Variants in HPS4 observed in about 807,000 individuals in gnomAD.
The protein encoded by HPS4 is HPS4 biogenesis of lysosomal organelles complex 3 subunit 2.
A neutral mutation model predicts 70.3 loss-of-function variants in HPS4; 44 were observed. The ratio of observed to expected loss-of-function variants is 0.63; its 90% CI spans 0.49 to 0.80. The LOEUF (loss-of-function observed/expected upper bound fraction) is 0.80. Ranked by LOEUF, HPS4 falls within the 30% of genes least tolerant of loss-of-function variation. The pLI is 0.00. For synonymous variants in HPS4, 377 were observed against 355.9 expected, an observed-to-expected ratio of 1.06 and a Z score of -0.67; for missense variants, 873 against 884.4, an observed-to-expected ratio of 0.99 and a Z score of 0.16.
intron 11 of HPS4, among the ~76,000 whole-genome samples, chr22:26,460,326 G>A (rs948992355): frequency 1.3e-5 from 2 of 152,242 alleles, no homozygotes; most frequent in African/African-American, 4.8e-5. Flanking sequence ...ATCACTGAGA[G>A]AGCCTGACCA....
At position 26,472,943 on chromosome 22, in the gene HPS4, T is replaced by C. The variant is rs370667416; in HGVS notation, c.277-4A>G. The C allele has an allele frequency of 1.2e-6, 2 of 1,613,572 alleles. No homozygotes were observed. The highest frequency in any genetic ancestry group is 1.7e-6 in the Non-Finnish European group (2 of 1,179,474). On this transcript the variant is annotated splice_polypyrimidine_tract_variant and splice_region_variant and intron_variant, in intron 4 of 13. Transcript: ENST00000398145. Reference sequence around the variant, plus strand: ...GCTCCACAGCACAGCCCAGCACCTGTAAAGAGAGAAACCAGGAAGACAAGC... The same window carrying C: ...GCTCCACAGCACAGCCCAGCACCTGCAAAGAGAGAAACCAGGAAGACAAGC...
At chr22:26,475,460 C>T (rs2146884221) in intron 4 of HPS4, 1 of 146,886 alleles carries the variant, frequency 6.8e-6, no homozygotes, top group Non-Finnish European at 1.5e-5. Context: ...TCAAGAGAGT[C>T]TCCTGCCTCA....
intron 11 of HPS4, among the ~76,000 whole-genome samples, chr22:26,460,383 G>A (rs757518616): frequency 6.6e-6 from 1 of 152,244 alleles, no homozygotes; most frequent in Non-Finnish European, 1.5e-5. Flanking sequence ...ATGTGTGTGT[G>A]TGCATGTGCC....
rs1360790963 is a variant in HPS4, at chr22:26,472,339, T to C, written c.464A>G (p.Lys155Arg). 3.1e-6 allele frequency: 5 copies of C among 1,613,296 alleles called. No homozygotes were observed. In the South Asian group the frequency reaches 5.5e-5, roughly 18 times the overall value. Residue 155 changes from lysine (K) to arginine (R), a missense_variant, in exon 6 of 14, where the codon AAG (lysine) becomes AGG (arginine). Transcript: ENST00000398145. ...QILKNTSDLH[K>R]IFNSLWNLDQ... ...CAAGTTCCAGAGGGAATTGAAAATC[T>C]TATGCAGATCACTGGTGTTTTTCAG... is the stretch of plus-strand genomic sequence containing the variant.
Position 26,464,232 on chromosome 22 carries a change from G to C in HPS4, c.1398C>G (p.Arg466=). 1 of 1,614,230 alleles carries C rather than the reference G, an allele frequency of 6.2e-7. No homozygotes were observed. The highest frequency in any genetic ancestry group is 8.5e-7 in the Non-Finnish European group (1 of 1,180,052). Reference sequence around the variant, plus strand: ...CTAAGCGAGGCAATAACAAGGGCCTGCGGGTCCTTCTGGGGAGAGGGTCTG... The same window carrying C: ...CTAAGCGAGGCAATAACAAGGGCCTCCGGGTCCTTCTGGGGAGAGGGTCTG... ...PRADPLPRRT[R]RPLLLPRLDP... The change falls in exon 11 of 14, where the codon CGC becomes CGG. Residue 466 remains arginine, a synonymous_variant. Coordinates refer to ENST00000398145, the MANE Select transcript of HPS4 (RefSeq NM_022081.6).
Position 26,458,084 on chromosome 22 carries a change from G to A in HPS4, c.1847-117C>T. The A allele has an allele frequency of 3.3e-6, 3 of 905,854 alleles. No homozygotes were observed. The South Asian group carries it at 4.2e-5, about 13-fold the overall frequency. 56.1% of individuals were successfully genotyped at this position (905,854 alleles called of 1,614,324 possible). ...CACGGCTCAAGGCCATGAGTTGGCT[G>A]CCCGGGGCAGAGACAAAGGCCCGGG... is the stretch of plus-strand genomic sequence containing the variant. On this transcript the variant is annotated intron_variant, in intron 12 of 13. Transcript: ENST00000398145.
chr22:26,452,846 C>T lies in HPS4; in HGVS notation c.*387G>A, dbSNP rs2085434809. 2 of 295,620 alleles carry T rather than the reference C, an allele frequency of 6.8e-6. No homozygotes were observed. Among genetic ancestry groups the T allele is most frequent in the Non-Finnish European group, 1.3e-5 (2 of 152,662 alleles). The allele number at this position is 295,620 out of a possible 1,614,324, so 18.3% of individuals were successfully genotyped here. A position where few individuals can be genotyped will look rare whatever the true frequency, so the allele number is the denominator to read the frequency against. ...ACCTGGTGTGGGGGTTGAACACACA[C>T]ACTCTGGGCTAGTGGACGATCAGGT... On this transcript the variant is annotated 3_prime_UTR_variant, in exon 14 of 14. Coordinates refer to ENST00000398145, the MANE Select transcript of HPS4 (RefSeq NM_022081.6).
In HPS4 at chr22:26,476,857, C is replaced by T. The variant is rs117687050; in HGVS notation, c.276+136G>A. On this transcript the variant is annotated intron_variant, in intron 4 of 13. Coordinates refer to ENST00000398145, the MANE Select transcript of HPS4 (RefSeq NM_022081.6). ...AACCTGCAGAGAGTACCACAGGAAG[C>T]GAGGGTGATTACTAAACACAGTACA... 1,185 of 897,922 alleles carry T rather than the reference C, an allele frequency of 1.3e-3. 2 individuals are homozygous for T. Among genetic ancestry groups the T allele is most frequent in the Admixed American group, 1.8e-3 (96 of 52,488 alleles). 55.6% of individuals were successfully genotyped at this position (897,922 alleles called of 1,614,324 possible).
At chr22:26,458,902 T>C (rs150946651) in intron 11 of HPS4, among the ~76,000 whole-genome samples, 10 of 152,236 alleles carry the variant, frequency 6.6e-5, no homozygotes, top group African/African-American at 2.4e-4. Flanking sequence ...AACATTTTTC[T>C]TTCACCCTTA....
chr22:26,443,232 G>C, downstream of HPS4: 3 of 1,591,586 alleles, frequency 1.9e-6, no homozygotes, highest in South Asian at 1.1e-5. Context: ...TGGAGTCGGC[G>C]AGAAGGGCCG....
At chr22:26,463,484 A>T (rs1275448864) in intron 11 of HPS4, among the ~76,000 whole-genome samples, 1 of 152,168 alleles carries the variant, frequency 6.6e-6, no homozygotes, top group Non-Finnish European at 1.5e-5. Context: ...TGCCTGCATT[A>T]TCTCACTGCA....
chr22:26,477,493 T>C (rs1431121039), intron 3 of HPS4, among the ~76,000 whole-genome samples: 1 of 152,238 alleles, frequency 6.6e-6, no homozygotes, highest in Non-Finnish European at 1.5e-5. Context: ...AGCAGAAGCA[T>C]GAGCCTTTCA....
chr22:26,467,017 C>T (rs1048567035), intron 8 of HPS4: 1 of 152,306 alleles, frequency 6.6e-6, no homozygotes, highest in African/African-American at 2.4e-5. Flanking sequence ...ATCCCTCATC[C>T]CCAAGCTAGT....
At position 26,483,704 on chromosome 22, in the gene HPS4, T is replaced by A; in HGVS notation, c.-509A>T. ...TAGCCAGGCATCCCAGTGCTCGGGG[T>A]TCGGGACTCTGGACCAGAAATGTGG... On this transcript the variant is annotated 5_prime_UTR_variant, in exon 1 of 14. Coordinates refer to ENST00000398145, the MANE Select transcript of HPS4 (RefSeq NM_022081.6). 2.5e-6 allele frequency: 1 copy of A among 404,552 alleles called. No homozygotes were observed. 25.1% of individuals were successfully genotyped at this position (404,552 alleles called of 1,614,324 possible).
chr22:26,472,034 T>C (rs1285383304), intron 6 of HPS4, among the ~76,000 whole-genome samples: 2 of 152,200 alleles, frequency 1.3e-5, no homozygotes, highest in African/African-American at 4.8e-5. Flanking sequence ...ATGAACAAAA[T>C]ACTAATTCCC....
In HPS4 at chr22:26,464,642, C is replaced by T. The variant is rs1252320334; in HGVS notation, c.988G>A (p.Gly330Ser). The part of the protein sequence containing the change: ...DGRKENGCLS[G>S]HDLESIRPAG... ...GGCCTGATGCTCTCCAGATCATGGC[C>T]AGACAAGCATCCGTTCTCCTTCCTG... Residue 330 changes from glycine to serine, a missense_variant, in exon 11 of 14, where the codon GGC (glycine) becomes AGC (serine). Physicochemically the swap from Gly to Ser is moderately conservative, Grantham distance 56 (BLOSUM62 0). Transcript: ENST00000398145. 7 of 1,613,498 alleles carry T rather than the reference C, an allele frequency of 4.3e-6. No individual in the cohort carries two copies. The East Asian group carries it at 1.6e-4, about 36-fold the overall frequency.
rs756803307 is a variant in HPS4, at chr22:26,479,330, C to T, written c.67G>A (p.Gly23Ser). ...SWWNYFFLYD[G>S]SKVKEEGDPT... is the part of the protein sequence containing the mutation. Reference sequence around the variant, plus strand: ...TCGCCTTCTTCCTTTACCTTGGAACCATCATAAAGAAAAAAATAATTCCAC... The same window carrying T: ...TCGCCTTCTTCCTTTACCTTGGAACTATCATAAAGAAAAAAATAATTCCAC... The change falls in exon 3 of 14, where the codon GGT becomes AGT. Residue 23 changes from glycine to serine, a missense_variant. Physicochemically the swap from Gly to Ser is moderately conservative, Grantham distance 56. Transcript: ENST00000398145. The T allele has an allele frequency of 6.2e-7, 1 of 1,614,094 alleles. No homozygotes were observed. The highest frequency in any genetic ancestry group is 1.7e-5 in the Admixed American group (1 of 60,006).
chr22:26,462,271 G>A (rs935139189), intron 11 of HPS4, among the ~76,000 whole-genome samples: 6 of 152,226 alleles, frequency 3.9e-5, no homozygotes, highest in Non-Finnish European at 7.3e-5. Flanking sequence ...GATAGACCTT[G>A]ACAAACCAGG....
Position 26,463,846 on chromosome 22 carries a change from A to G in HPS4, c.1713+71T>C. On this transcript the variant is annotated intron_variant, in intron 11 of 13. Coordinates refer to ENST00000398145, the MANE Select transcript of HPS4 (RefSeq NM_022081.6). Reference sequence around the variant, plus strand: ...TTATCTCTTCCCTGGGTGTTGGCACAGTGCTGTGAGGGAAGCACAGGAGAT... The same window carrying G: ...TTATCTCTTCCCTGGGTGTTGGCACGGTGCTGTGAGGGAAGCACAGGAGAT... The G allele has an allele frequency of 4.0e-6, 6 of 1,495,740 alleles. No individual in the cohort carries two copies. In the South Asian group the frequency reaches 6.8e-5, roughly 17 times the overall value. The allele number at this position is 1,495,740 out of a possible 1,614,324, so 92.7% of individuals were successfully genotyped here. A position where few individuals can be genotyped will look rare whatever the true frequency, so the allele number is the denominator to read the frequency against.
Sources: allele counts gnomAD v4.1 joint callset (sites outside exome capture counted in the v4.1 genomes callset), GRCh38; gene constraint gnomAD v4.1.1; transcripts MANE v1.5; gene names NCBI Gene and HGNC (gene_info 2026-07-23, HGNC 2026-07-21).